Variants in FRMPD4 observed in about 807,000 individuals in gnomAD.
The protein encoded by FRMPD4 is FERM and PDZ domain-containing protein 4.
A neutral mutation model predicts 94.1 loss-of-function variants in FRMPD4; 22 were observed. The observed-to-expected ratio is 0.23, with a 90% CI of 0.17 to 0.33. The LOEUF is 0.33. Among genes scored for constraint, FRMPD4 ranks in the 10% least tolerant of loss-of-function variants. The pLI, the probability that FRMPD4 is intolerant of heterozygous loss-of-function variation, is 1.00. For missense variants in FRMPD4, 1,111 were observed against 1,339.9 expected, an observed-to-expected ratio of 0.83 and a Z score of 2.67; for synonymous variants, 631 against 548.6, an observed-to-expected ratio of 1.15 and a Z score of -2.10.
At chrX:12,632,560 A>T (rs1451456366) in intron 4 of FRMPD4, among the ~76,000 whole-genome samples, 1 of 112,321 alleles carries the variant, frequency 8.9e-6, no homozygotes. Context: ...AAATTCCTGT[A>T]GATGAATGGT....
chrX:12,149,256 G>T (rs1004208602), intron 1 of FRMPD4: 8 of 112,133 alleles, frequency 7.1e-5, no homozygotes, highest in African/African-American at 2.6e-4. Flanking sequence ...GATATATTTT[G>T]TATGGTTATA....
intron 1 of FRMPD4, among the ~76,000 whole-genome samples, chrX:11,864,664 C>T (rs747078179): frequency 5.7e-4 from 63 of 111,361 alleles, no homozygotes; most frequent in African/African-American, 2.1e-3. Flanking sequence ...GTTTATCCAT[C>T]AAGACTTCTA....
intron 3 of FRMPD4, among the ~76,000 whole-genome samples, chrX:11,880,789 C>T (rs1006939978): frequency 9.0e-5 from 10 of 111,262 alleles, no homozygotes; most frequent in Non-Finnish European, 1.3e-4. Flanking sequence ...ATTACAGGCA[C>T]GCACCACCAC....
At chrX:12,382,530 G>GCATAGCATAGCATAGCAT (rs60602906) in intron 1 of FRMPD4, among the ~76,000 whole-genome samples, 56 of 45,581 alleles carry the variant, frequency 1.2e-3, no homozygotes, top group African/African-American at 5.4e-3. Context: ...GCATAGCATA[G>GCATAGCATAGCATAGCAT]AGCATAGCAT....
intron 3 of FRMPD4, among the ~76,000 whole-genome samples, chrX:12,016,203 C>T (rs1463006248): frequency 3.6e-5 from 4 of 111,451 alleles, no homozygotes; most frequent in African/African-American, 9.8e-5. Flanking sequence ...GAGGCCAAGA[C>T]ACCCCTAGAG....
intron 3 of FRMPD4, among the ~76,000 whole-genome samples, chrX:12,129,384 C>A (rs748631587): frequency 6.3e-5 from 7 of 111,518 alleles, no homozygotes; most frequent in Admixed American, 3.8e-4. Flanking sequence ...CATCAGAGCT[C>A]ATGAGAATTC....
At chrX:12,611,322 T>C (rs2059181175) in intron 3 of FRMPD4, among the ~76,000 whole-genome samples, 1 of 112,417 alleles carries the variant, frequency 8.9e-6, no homozygotes, top group Admixed American at 9.4e-5. Flanking sequence ...GATTCAGCAG[T>C]AAAGTACTAC....
intron 15 of FRMPD4, 59 bp from the exon 16 acceptor site, chrX:12,717,442 A>G: frequency 5.2e-6 from 4 of 775,491 alleles, no homozygotes; most frequent in Non-Finnish European, 7.7e-6. Flanking sequence ...ATTTTCTTAC[A>G]TGTCTCCAAG....
intron 4 of FRMPD4, among the ~76,000 whole-genome samples, chrX:12,619,217 A>G (rs1159304315): frequency 1.8e-5 from 2 of 112,130 alleles, no homozygotes; most frequent in Non-Finnish European, 3.8e-5. Context: ...CTATTTATCT[A>G]CAGAGGGTTG....
At chrX:12,251,606 G>A (rs2054040758) in intron 1 of FRMPD4, among the ~76,000 whole-genome samples, 2 of 111,741 alleles carry the variant, frequency 1.8e-5, no homozygotes, top group African/African-American at 6.5e-5. Flanking sequence ...TCTCCCTCCT[G>A]GGCTGCTTCC....
At chrX:12,431,294 T>C (rs957054842) in intron 1 of FRMPD4, among the ~76,000 whole-genome samples, 2 of 112,358 alleles carry the variant, frequency 1.8e-5, no homozygotes, top group African/African-American at 6.5e-5. Flanking sequence ...TCAAAGGGTA[T>C]GAGCATGACA....
chrX:11,847,887 T>G (rs1601801657), intron 1 of FRMPD4, among the ~76,000 whole-genome samples: 1 of 45,524 alleles, frequency 2.2e-5, no homozygotes, highest in African/African-American at 1.0e-4. Context: ...TGTTGTGGGG[T>G]CGGGGGAGGG....
intron 1 of FRMPD4, among the ~76,000 whole-genome samples, chrX:12,157,996 A>G (rs2055962553): frequency 8.9e-6 from 1 of 112,172 alleles, no homozygotes; most frequent in South Asian, 3.7e-4. Flanking sequence ...GTGTAGACAG[A>G]GAATGGGGAA....
chrX:12,695,394 CTTTT>C (rs35768384), intron 9 of FRMPD4, among the ~76,000 whole-genome samples: 1 of 108,629 alleles, frequency 9.2e-6, no homozygotes, highest in South Asian at 3.9e-4. Context: ...CTTTGTAACT[CTTTT>C]TTTTTTATTT....
In FRMPD4 at chrX:12,138,687, C is replaced by T. The variant is rs952796503; in HGVS notation, c.-285C>T. On this transcript the variant is annotated 5_prime_UTR_variant, in exon 1 of 17. Coordinates refer to ENST00000675598, the MANE Select transcript of FRMPD4 (RefSeq NM_001368397.1). ...CGCGAGACCCGGGCCGCGCTCCCCGCCCCCGCCTCTTGCGCCCTGCCTGGC... is the reference window on the plus strand; with the variant it reads ...CGCGAGACCCGGGCCGCGCTCCCCGTCCCCGCCTCTTGCGCCCTGCCTGGC... 25 of 299,897 alleles carry T rather than the reference C, an allele frequency of 8.3e-5. No individual in the cohort carries two copies. Among genetic ancestry groups the T allele is most frequent in the Non-Finnish European group, 1.2e-4 (20 of 173,038 alleles). The allele number at this position is 299,897 out of a possible 1,213,427, so 24.7% of individuals were successfully genotyped here.
intron 1 of FRMPD4, among the ~76,000 whole-genome samples, chrX:12,355,586 G>A (rs1192528475): frequency 8.9e-6 from 1 of 112,085 alleles, no homozygotes; most frequent in Admixed American, 9.5e-5. Flanking sequence ...TATTATATTA[G>A]GTGCCTGAGG....
intron 3 of FRMPD4, among the ~76,000 whole-genome samples, chrX:12,007,221 T>A (rs5935224): frequency 1.8e-5 from 2 of 110,269 alleles, no homozygotes; most frequent in African/African-American, 6.6e-5. Context: ...ACATTGAGAG[T>A]AACTAAGACT....
chrX:12,459,886 G>A (rs936556395), intron 1 of FRMPD4, among the ~76,000 whole-genome samples: 4 of 111,687 alleles, frequency 3.6e-5, no homozygotes, highest in African/African-American at 1.3e-4. Flanking sequence ...GTTTCCAAAA[G>A]TGACTGTACC....
At chrX:12,604,677 T>C (rs1341507533) in intron 2 of FRMPD4, among the ~76,000 whole-genome samples, 1 of 112,244 alleles carries the variant, frequency 8.9e-6, no homozygotes, top group Non-Finnish European at 1.9e-5. Flanking sequence ...TAACTTTTAT[T>C]TTAAGTTCAA....
Sources: gnomAD v4.1 joint callset for allele counts (sites outside exome capture counted in the v4.1 genomes callset) on GRCh38, gnomAD v4.1.1 for gene constraint, MANE v1.5 for transcripts, NCBI Gene and HGNC (gene_info 2026-07-23, HGNC 2026-07-21) for gene names.